OSMR: variants seen among roughly 807,000 people sequenced by gnomAD.
The protein encoded by OSMR is oncostatin-M-specific receptor subunit beta.
Under a neutral mutation model 99.9 loss-of-function variants are expected in OSMR, and 81 were observed. That is an observed-to-expected ratio of 0.81 (90% CI 0.68 to 0.97). The LOEUF is 0.97. OSMR is among the 50% of genes least tolerant of loss of function. OSMR has a pLI of 0.00. For synonymous variants in OSMR, 406 were observed against 410.4 expected (o/e 0.99, Z 0.13); for missense variants, 1,099 against 1,153.4 (o/e 0.95, Z 0.68).
chr5:38,921,736 C>A lies in OSMR; in HGVS notation c.1707C>A (p.Leu569=). 2 of 1,614,048 alleles carry A rather than the reference C, an allele frequency of 1.2e-6. No homozygotes were observed. The highest frequency in any genetic ancestry group is 1.7e-6 in the Non-Finnish European group (2 of 1,180,010). ...GGTGTGACCATACCCAGGATGTGCT[C>A]GGTGATTTCCAGTGGAAGAATGTAG... ...VDWCDHTQDV[L]GDFQWKNVGP... is the part of the protein sequence containing the mutation. The change falls in exon 12 of 18, where the codon CTC becomes CTA. Residue 569 remains leucine (L), a synonymous_variant. Transcript: ENST00000274276.
intron 7 of OSMR, among the ~76,000 whole-genome samples, chr5:38,902,819 AT>A (rs968338596): frequency 6.6e-6 from 1 of 152,036 alleles, no homozygotes; most frequent in African/African-American, 2.4e-5. Context: ...CCTCTTTTTA[AT>A]TCTCTCTCAG....
At chr5:38,882,611 C>T (rs964525401) in intron 4 of OSMR, among the ~76,000 whole-genome samples, 1 of 150,586 alleles carries the variant, frequency 6.6e-6, no homozygotes, top group Non-Finnish European at 1.5e-5. Flanking sequence ...ATGGTGGACT[C>T]AAATTGTAGC....
intron 14 of OSMR, among the ~76,000 whole-genome samples, chr5:38,924,891 T>C (rs2112667670): frequency 6.8e-6 from 1 of 147,334 alleles, no homozygotes; most frequent in Non-Finnish European, 1.5e-5. Context: ...TTTTTTTCAC[T>C]TTATTGAGCA....
Position 38,873,220 on chromosome 5 carries a change from C to T in OSMR, c.74-2981C>T, listed in dbSNP as rs150408735. Reference sequence around the variant, plus strand: ...AACCTTTTGTATCTGGCTTCTTTCACTTAGCATGATGTTTGTGAGGTTAAT... The same window carrying T: ...AACCTTTTGTATCTGGCTTCTTTCATTTAGCATGATGTTTGTGAGGTTAAT... On this transcript the variant is annotated intron_variant, in intron 2 of 17. Coordinates refer to ENST00000274276, the MANE Select transcript of OSMR (RefSeq NM_003999.3). 3.5e-3 allele frequency among the ~76,000 whole-genome samples: 536 copies of T among 152,282 alleles called. 3 individuals carry two copies. Among genetic ancestry groups the T allele is most frequent in the Non-Finnish European group, 5.2e-3 (353 of 68,018 alleles).
At chr5:38,910,836 C>G (rs1267341191) in intron 9 of OSMR, among the ~76,000 whole-genome samples, 1 of 152,092 alleles carries the variant, frequency 6.6e-6, no homozygotes. Flanking sequence ...TGGTGAAACC[C>G]CATCTCTACT....
chr5:38,932,061 A>C (rs1015445442), intron 16 of OSMR, 97 bp downstream of exon 16: 5 of 949,288 alleles, frequency 5.3e-6, no homozygotes, highest in Non-Finnish European at 8.5e-6. Flanking sequence ...AATATGAAAC[A>C]ACGTATAAAA....
At position 38,918,842 on chromosome 5, in the gene OSMR, A is replaced by G. The variant is rs928866435; in HGVS notation, c.1365A>G (p.Pro455=). The G allele has an allele frequency of 1.9e-6, 3 of 1,613,826 alleles. No individual in the cohort carries two copies. The highest frequency in any genetic ancestry group is 2.7e-5 in the African/African-American group (2 of 74,916). ...GNHTVTLFWK[P]LSKLHANGKI... is the part of the protein sequence containing the mutation. ...ATGTTTATCAATATTTTTTTCAGCC[A>G]TTATCAAAACTGCATGCCAATGGAA... Residue 455 remains proline, a splice_region_variant and synonymous_variant, in exon 11 of 18, where the codon CCA becomes CCG. Transcript: ENST00000274276.
chr5:38,869,024 T>C lies in OSMR; in HGVS notation c.-13-8T>C. Reference sequence around the variant, plus strand: ...AAAATTTTCCTTCTTATAATTTATCTTTTTCAGAAAACCAGAACTGATGGC... The same window carrying C: ...AAAATTTTCCTTCTTATAATTTATCCTTTTCAGAAAACCAGAACTGATGGC... On this transcript the variant is annotated splice_polypyrimidine_tract_variant and splice_region_variant and intron_variant, in intron 1 of 17. Coordinates refer to ENST00000274276, the MANE Select transcript of OSMR (RefSeq NM_003999.3). 2 of 1,612,780 alleles carry C rather than the reference T, an allele frequency of 1.2e-6. No individual in the cohort carries two copies. Among genetic ancestry groups the C allele is most frequent in the South Asian group, 1.1e-5 (1 of 90,716 alleles).
chr5:38,945,326 G>C, downstream of OSMR: 1 of 622,736 alleles, frequency 1.6e-6, no homozygotes, highest in Non-Finnish European at 2.8e-6. Flanking sequence ...ACCTGGAACC[G>C]TGAGAGGATC....
intron 1 of OSMR, among the ~76,000 whole-genome samples, chr5:38,858,202 CACTAGCCCTTGT>C (rs1741007347): frequency 6.6e-6 from 1 of 152,104 alleles, no homozygotes; most frequent in South Asian, 2.1e-4. Flanking sequence ...TGCTGTAGAA[CACTAGCCCTTGT>C]TCCTCCAATC....
In OSMR at chr5:38,933,846, G is replaced by A. The variant is rs1746896177; in HGVS notation, c.*402G>A. The stretch of plus-strand genomic sequence containing the variant: ...CATTAACAGCAATTATTATATTGAA[G>A]GCTTTAATAAAGGCCACAGGAGACA... On this transcript the variant is annotated 3_prime_UTR_variant, in exon 18 of 18. Transcript: ENST00000274276. The A allele has an allele frequency of 1.0e-5, 2 of 192,730 alleles. No homozygotes were observed. Among genetic ancestry groups the A allele is most frequent in the Admixed American group, 1.1e-4 (2 of 18,494 alleles). 11.9% of individuals were successfully genotyped at this position (192,730 alleles called of 1,614,324 possible). A position where few individuals can be genotyped will look rare whatever the true frequency, so the allele number is the denominator to read the frequency against.
chr5:38,876,373 GGTAA>G lies in OSMR; in HGVS notation c.246+5_246+8del, dbSNP rs1247035461. The G allele has an allele frequency of 5.0e-6, 8 of 1,611,118 alleles. No homozygotes were observed. Among genetic ancestry groups the G allele is most frequent in the Non-Finnish European group, 6.8e-6 (8 of 1,178,356 alleles). ...TTGAAACATCCAATGTCATCTGGGT[GGTAA>G]GTAATTTTTTTGGCTCAATATTTAA... On this transcript the variant is annotated splice_donor_variant and splice_donor_region_variant and intron_variant, in intron 3 of 17. Coordinates refer to ENST00000274276, the MANE Select transcript of OSMR (RefSeq NM_003999.3). LOFTEE classifies it high-confidence loss of function.
downstream of OSMR, among the ~76,000 whole-genome samples, chr5:38,936,929 T>A (rs1747074188): frequency 6.6e-6 from 1 of 152,272 alleles, no homozygotes; most frequent in South Asian, 2.1e-4. Flanking sequence ...GTATTTTATA[T>A]GCTAAAGTTT....
intron 6 of OSMR, 108 bp from the exon 7 acceptor site, chr5:38,885,931 A>T: frequency 2.6e-6 from 4 of 1,511,442 alleles, no homozygotes; most frequent in Admixed American, 4.7e-5. Context: ...CATTATGGGG[A>T]ACATAGTTTG....
chr5:38,923,028 G>A, intron 12 of OSMR, 122 bp from the exon 13 acceptor site: 12 of 1,154,384 alleles, frequency 1.0e-5, no homozygotes, highest in Middle Eastern at 2.8e-4. Context: ...CGCCTGCCTC[G>A]GCCTCCCAAA....
At chr5:38,911,187 C>A (rs1561394507) in intron 9 of OSMR, among the ~76,000 whole-genome samples, 1 of 152,050 alleles carries the variant, frequency 6.6e-6, no homozygotes, top group South Asian at 2.1e-4. Context: ...TAGATCACGA[C>A]CTAGACTAAT....
intron 1 of OSMR, chr5:38,942,488 C>T: frequency 1.9e-6 from 1 of 514,714 alleles, no homozygotes; most frequent in South Asian, 4.9e-5. Flanking sequence ...CTTGCTCAGT[C>T]TTCCCAGGAT....
downstream of OSMR, among the ~76,000 whole-genome samples, chr5:38,936,898 G>A (rs1314877328): frequency 1.3e-5 from 2 of 152,178 alleles, no homozygotes; most frequent in Non-Finnish European, 2.9e-5. Flanking sequence ...AATCAATACC[G>A]AAGTAGTACC....
chr5:38,861,153 G>T (rs1438646824), intron 1 of OSMR, among the ~76,000 whole-genome samples: 1 of 151,812 alleles, frequency 6.6e-6, no homozygotes, highest in African/African-American at 2.4e-5. Context: ...GATCATTCTT[G>T]GGTGTTTCTC....
Sources: gnomAD v4.1 joint callset for allele counts (sites outside exome capture counted in the v4.1 genomes callset) on GRCh38, gnomAD v4.1.1 for gene constraint, MANE v1.5 for transcripts, NCBI Gene and HGNC (gene_info 2026-07-23, HGNC 2026-07-21) for gene names.